The following LIPC variants were observed in gnomAD, a reference collection of about 807,000 sequenced individuals.
LIPC encodes hepatic triacylglycerol lipase.
A neutral mutation model predicts 50.7 loss-of-function variants in LIPC; 44 were observed. That is an observed-to-expected ratio of 0.87 (90% CI 0.68 to 1.11). LIPC has a LOEUF of 1.11. Ranked by LOEUF, LIPC falls within the 50% of genes most tolerant of loss-of-function variation. The pLI is 0.00. For synonymous variants in LIPC, 271 were observed against 256.4 expected, an observed-to-expected ratio of 1.06 and a Z score of -0.54; for missense variants, 697 against 648.2, an observed-to-expected ratio of 1.08 and a Z score of -0.82.
chr15:58,553,081 G>A (rs1254383410), intron 6 of LIPC, among the ~76,000 whole-genome samples: 2 of 152,180 alleles, frequency 1.3e-5, no homozygotes, highest in African/African-American at 4.8e-5. Flanking sequence ...ATTCACAGAT[G>A]AGGAAATCGA....
intron 1 of LIPC, among the ~76,000 whole-genome samples, chr15:58,438,940 T>C (rs1290935815): frequency 6.6e-6 from 1 of 152,164 alleles, no homozygotes; most frequent in African/African-American, 2.4e-5. Context: ...GGGGAAAAAG[T>C]GAAGAGAAGA....
intron 1 of LIPC, among the ~76,000 whole-genome samples, chr15:58,488,080 G>A (rs1379035470): frequency 6.6e-6 from 1 of 152,192 alleles, no homozygotes; most frequent in Non-Finnish European, 1.5e-5. Context: ...AGGCCAGTCT[G>A]GCCAACATGG....
chr15:58,465,754 TC>T (rs780306537), intron 1 of LIPC, among the ~76,000 whole-genome samples: 2 of 151,802 alleles, frequency 1.3e-5, no homozygotes, highest in Non-Finnish European at 2.9e-5. Context: ...GAAGATAGAG[TC>T]CAAGAGGGCA....
At chr15:58,497,621 A>G (rs1891818978) in intron 1 of LIPC, 1 of 152,148 alleles carries the variant, frequency 6.6e-6, no homozygotes, top group Non-Finnish European at 1.5e-5. Context: ...CTACTGGTAC[A>G]CCTCTCCAAA....
intron 1 of LIPC, among the ~76,000 whole-genome samples, chr15:58,444,481 G>A (rs1893618400): frequency 6.6e-6 from 1 of 152,134 alleles, no homozygotes; most frequent in Non-Finnish European, 1.5e-5. Context: ...CCACAGACTG[G>A]GTGGCCTCAA....
At chr15:58,458,919 T>A (rs1480416453) in intron 1 of LIPC, among the ~76,000 whole-genome samples, 2 of 152,174 alleles carry the variant, frequency 1.3e-5, no homozygotes, top group Non-Finnish European at 2.9e-5. Flanking sequence ...GTACATTAGG[T>A]CAACCCCAAA....
At chr15:58,457,180 G>A (rs897604401) in intron 1 of LIPC, among the ~76,000 whole-genome samples, 5 of 152,140 alleles carry the variant, frequency 3.3e-5, no homozygotes, top group African/African-American at 7.2e-5. Flanking sequence ...TGCGATCTTG[G>A]CTCACCACAA....
chr15:58,466,377 G>A lies in LIPC; in HGVS notation c.88+34257G>A, dbSNP rs187936498. Among the ~76,000 whole-genome samples, 826 of 152,274 alleles carry A rather than the reference G, an allele frequency of 5.4e-3. 4 individuals are homozygous for A. Among genetic ancestry groups the A allele is most frequent in the Non-Finnish European group, 7.9e-3 (540 of 68,014 alleles). ...TTAGTTTCGTGAAAGGTAGACTGATGTTTTCCATCTGGTATACAAAACATT... is the reference window on the plus strand; with the variant it reads ...TTAGTTTCGTGAAAGGTAGACTGATATTTTCCATCTGGTATACAAAACATT... On this transcript the variant is annotated intron_variant, in intron 1 of 8. Coordinates refer to ENST00000299022, the MANE Select transcript of LIPC (RefSeq NM_000236.3).
At chr15:58,490,291 G>C (rs1891540855) in intron 1 of LIPC, among the ~76,000 whole-genome samples, 1 of 152,174 alleles carries the variant, frequency 6.6e-6, no homozygotes, top group African/African-American at 2.4e-5. Context: ...CTTCTTCTAA[G>C]AGCCGGTCAC....
intron 1 of LIPC, among the ~76,000 whole-genome samples, chr15:58,508,735 G>A (rs1263595135): frequency 5.0e-4 from 4 of 7,940 alleles, no homozygotes; most frequent in African/African-American, 4.5e-3. Context: ...TTTTTTTTTG[G>A]ACACCTTTTC....
At chr15:58,441,749 T>G (rs528776734) in intron 1 of LIPC, among the ~76,000 whole-genome samples, 1 of 152,216 alleles carries the variant, frequency 6.6e-6, no homozygotes, top group Non-Finnish European at 1.5e-5. Flanking sequence ...TAATTATTAT[T>G]TAATATAATC....
intron 1 of LIPC, among the ~76,000 whole-genome samples, chr15:58,474,179 G>A (rs1231378931): frequency 6.6e-6 from 1 of 152,090 alleles, no homozygotes; most frequent in Admixed American, 6.5e-5. Context: ...GTTTCTTCAG[G>A]GGCATCTCAC....
intron 1 of LIPC, among the ~76,000 whole-genome samples, chr15:58,535,730 T>C (rs555844045): frequency 4.9e-4 from 74 of 152,380 alleles, no homozygotes; most frequent in African/African-American, 1.7e-3. Flanking sequence ...TCAGGCATTG[T>C]TCTGAGCTCT....
intron 1 of LIPC, among the ~76,000 whole-genome samples, chr15:58,467,629 T>C (rs1270065995): frequency 1.3e-5 from 2 of 152,146 alleles, no homozygotes; most frequent in Admixed American, 1.3e-4. Context: ...GGCTACTTTT[T>C]CCTCCTAATT....
Position 58,453,435 on chromosome 15 carries a change from C to T in LIPC, c.88+21315C>T, listed in dbSNP as rs192274939. ...CCCCAACTTGAACTCTAGAGACTAA[C>T]AATGGGAAGAAGAGAACTAAATTAT... On this transcript the variant is annotated intron_variant, in intron 1 of 8. Transcript: ENST00000299022. Among the ~76,000 whole-genome samples the T allele has an allele frequency of 1.1e-3, 164 of 152,314 alleles. 3 individuals are homozygous for T. In the Middle Eastern group the frequency reaches 0.014, roughly 13 times the overall value.
At chr15:58,568,009 G>A (rs1894446492) in intron 8 of LIPC, among the ~76,000 whole-genome samples, 1 of 151,886 alleles carries the variant, frequency 6.6e-6, no homozygotes, top group Non-Finnish European at 1.5e-5. Context: ...GACCTTAGAC[G>A]CAATTCAAAG....
intron 1 of LIPC, among the ~76,000 whole-genome samples, chr15:58,481,336 C>G (rs575964704): frequency 6.6e-6 from 1 of 152,044 alleles, no homozygotes; most frequent in East Asian, 1.9e-4. Context: ...AGTAATTGCA[C>G]TTATAAATGT....
intron 1 of LIPC, among the ~76,000 whole-genome samples, chr15:58,491,320 CT>C (rs1229940924): frequency 6.6e-6 from 1 of 152,162 alleles, no homozygotes; most frequent in Non-Finnish European, 1.5e-5. Context: ...CAGCAGCAGG[CT>C]TTAATCCTCA....
chr15:58,547,449 C>T (rs1469797082), intron 5 of LIPC, among the ~76,000 whole-genome samples: 4 of 152,136 alleles, frequency 2.6e-5, no homozygotes, highest in Non-Finnish European at 5.9e-5. Flanking sequence ...AGGAATGCAG[C>T]CGCTAGCGTC....
Sources: allele counts gnomAD v4.1 joint callset (sites outside exome capture counted in the v4.1 genomes callset), GRCh38; gene constraint gnomAD v4.1.1; transcripts MANE v1.5; gene names NCBI Gene and HGNC (gene_info 2026-07-23, HGNC 2026-07-21).